Variants in CHD6 observed in about 807,000 individuals in gnomAD.
CHD6 encodes the protein chromodomain helicase DNA binding protein 6.
In CHD6, 50 loss-of-function variants were observed where a neutral mutation model predicts 276.9. The observed-to-expected ratio is 0.18, with a 90% CI of 0.14 to 0.23. The LOEUF is 0.23. Among genes scored for constraint, CHD6 ranks in the 10% least tolerant of loss-of-function variants. The pLI is 1.00. For synonymous variants in CHD6, 1,173 were observed against 1,229.3 expected, an observed-to-expected ratio of 0.95 and a Z score of 0.96; for missense variants, 2,564 against 3,365.8, an observed-to-expected ratio of 0.76 and a Z score of 5.89.
chr20:41,446,228 T>A (rs2048064573), intron 24 of CHD6, among the ~76,000 whole-genome samples: 1 of 152,130 alleles, frequency 6.6e-6, no homozygotes, highest in Non-Finnish European at 1.5e-5. Flanking sequence ...CAAGTAGAGA[T>A]CTTACGCACC....
intron 16 of CHD6, among the ~76,000 whole-genome samples, 177 bp downstream of exon 16, chr20:41,483,132 T>C (rs2043332585): frequency 6.6e-6 from 1 of 152,200 alleles, no homozygotes; most frequent in East Asian, 1.9e-4. Flanking sequence ...ACAGTTAAAC[T>C]TGGGTCCATT....
Position 41,427,634 on chromosome 20 carries a change from T to G in CHD6, c.4069-1481A>C, listed in dbSNP as rs2047407197. Among the ~76,000 whole-genome samples the G allele has an allele frequency of 3.3e-5, 5 of 152,186 alleles. No homozygotes were observed. The South Asian group carries it at 1.0e-3, about 32-fold the overall frequency. On this transcript the variant is annotated intron_variant, in intron 27 of 36. Transcript: ENST00000373233. The stretch of plus-strand genomic sequence containing the variant: ...GAGAGTCTTAGATGAAAATTTGTCT[T>G]GGAGAGTGAAAACATATTTATAACA...
At chr20:41,514,126 T>C (rs1337813228) in intron 4 of CHD6, among the ~76,000 whole-genome samples, 1 of 152,208 alleles carries the variant, frequency 6.6e-6, no homozygotes. Context: ...GGAAGAGCAG[T>C]GAGAAACCCA....
chr20:41,424,089 G>A lies in CHD6; in HGVS notation c.4347-389C>T, dbSNP rs191364329. Among the ~76,000 whole-genome samples the A allele has an allele frequency of 5.3e-5, 8 of 151,544 alleles. No homozygotes were observed. The East Asian group carries it at 1.2e-3, about 22-fold the overall frequency. ...TATCTAGCCTTATTTTTTTTTACCC[G>A]TATGGCAATATAGAAGCAGAGAATC... On this transcript the variant is annotated intron_variant, in intron 29 of 36. Transcript: ENST00000373233.
intron 1 of CHD6, among the ~76,000 whole-genome samples, chr20:41,561,853 C>A (rs1335456971): frequency 6.6e-6 from 1 of 152,188 alleles, no homozygotes; most frequent in African/African-American, 2.4e-5. Flanking sequence ...TATGTGACAT[C>A]TCTTCCTTTT....
In CHD6 at chr20:41,403,671, G is replaced by T. The variant is rs999376697; in HGVS notation, c.*922C>A. ...CTCCAGAAAGAACCTTATTCTTGGTGAAGGAAAGCCTGAAGTGAAAATCCA... is the reference window on the plus strand; with the variant it reads ...CTCCAGAAAGAACCTTATTCTTGGTTAAGGAAAGCCTGAAGTGAAAATCCA... On this transcript the variant is annotated 3_prime_UTR_variant, in exon 37 of 37. Transcript: ENST00000373233. The T allele has an allele frequency of 1.6e-5, 17 of 1,060,274 alleles. No homozygotes were observed. In the African/African-American group the frequency reaches 2.8e-4, roughly 17 times the overall value. 65.7% of individuals were successfully genotyped at this position (1,060,274 alleles called of 1,614,324 possible). A position where few individuals can be genotyped will look rare whatever the true frequency, so the allele number is the denominator to read the frequency against.
chr20:41,421,375 T>C lies in CHD6; in HGVS notation c.5260A>G (p.Ile1754Val), dbSNP rs1323340759. ...CCCATAAAAGTAGGGCCAGAAGCTA[T>C]TTCTGCCTCAGGGCCACCAGACTGG... ...NCQSGGPEAE[I>V]ASGPTFMGSL... Residue 1754 changes from isoleucine to valine, a missense_variant, in exon 31 of 37, where the codon ATA becomes GTA. Around this residue, in one of 7 missense-constraint regions of CHD6, gnomAD observed 1,024 missense variants for 1,047.9 expected, o/e 0.98. Coordinates refer to ENST00000373233, the MANE Select transcript of CHD6 (RefSeq NM_032221.5). The C allele has an allele frequency of 1.2e-6, 2 of 1,614,092 alleles. No homozygotes were observed. The highest frequency in any genetic ancestry group is 2.2e-5 in the South Asian group (2 of 91,012).
chr20:41,519,839 T>G (rs2044343320), intron 3 of CHD6, among the ~76,000 whole-genome samples: 1 of 152,096 alleles, frequency 6.6e-6, no homozygotes, highest in Non-Finnish European at 1.5e-5. Context: ...CTAATTAAAC[T>G]AAAGAGCTTC....
In CHD6 at chr20:41,537,482, A is replaced by G. The variant is rs150371747; in HGVS notation, c.34-3912T>C. 2.8e-3 allele frequency among the ~76,000 whole-genome samples: 428 copies of G among 152,344 alleles called. 1 individual carries two copies. Among genetic ancestry groups the G allele is most frequent in the Middle Eastern group, 0.02 (6 of 294 alleles). On this transcript the variant is annotated intron_variant, in intron 2 of 36. Coordinates refer to ENST00000373233, the MANE Select transcript of CHD6 (RefSeq NM_032221.5). ...ACCATTTTAAATAAGGGACTTGAGC[A>G]TCCTCAGATTTTGGTATTCATGTAA...
chr20:41,580,678 A>C (rs1280380114), intron 1 of CHD6, among the ~76,000 whole-genome samples: 1 of 151,726 alleles, frequency 6.6e-6, no homozygotes, highest in Non-Finnish European at 1.5e-5. Context: ...AGACAACAAA[A>C]AATACATCTA....
At chr20:41,595,895 T>C (rs538044457) in intron 1 of CHD6, among the ~76,000 whole-genome samples, 28 of 151,798 alleles carry the variant, frequency 1.8e-4, no homozygotes, top group African/African-American at 5.1e-4. Flanking sequence ...CAGGAGGAAA[T>C]AGACTATGCC....
At chr20:41,413,771 C>G in intron 34 of CHD6, 1 of 308,446 alleles carries the variant, frequency 3.2e-6, no homozygotes. Context: ...TAACTCCATC[C>G]TGACTGCCGG....
At chr20:41,501,413 C>T (rs1178944014) in intron 5 of CHD6, among the ~76,000 whole-genome samples, 1 of 152,182 alleles carries the variant, frequency 6.6e-6, no homozygotes, top group East Asian at 1.9e-4. Context: ...TGTGCCCTCA[C>T]TGTAAGTAAC....
At chr20:41,427,013 A>G (rs1240986073) in intron 27 of CHD6, among the ~76,000 whole-genome samples, 1 of 152,298 alleles carries the variant, frequency 6.6e-6, no homozygotes, top group African/African-American at 2.4e-5. Context: ...CAGGGTCAGA[A>G]AGAAGGGTCA....
At chr20:41,579,909 A>T (rs987700529) in intron 1 of CHD6, among the ~76,000 whole-genome samples, 5 of 152,360 alleles carry the variant, frequency 3.3e-5, no homozygotes, top group Admixed American at 2.0e-4. Flanking sequence ...GTACAATAAA[A>T]GAAAAAAATT....
chr20:41,410,980 A>C (rs565403401), intron 36 of CHD6, among the ~76,000 whole-genome samples: 1 of 152,312 alleles, frequency 6.6e-6, no homozygotes, highest in African/African-American at 2.4e-5. Flanking sequence ...AGGGGACACA[A>C]ACAAAGGTGA....
intron 18 of CHD6, among the ~76,000 whole-genome samples, chr20:41,456,584 T>C (rs2048383995): frequency 6.6e-6 from 1 of 152,162 alleles, no homozygotes; most frequent in African/African-American, 2.4e-5. Context: ...CTTGAAGTAT[T>C]ATACTTAGCA....
chr20:41,486,052 C>A (rs2043405911), intron 14 of CHD6: 1 of 152,020 alleles, frequency 6.6e-6, no homozygotes, highest in Non-Finnish European at 1.5e-5. Context: ...CAATCTTAAT[C>A]TTTTTATGAG....
chr20:41,584,156 G>T (rs777424460), intron 1 of CHD6, among the ~76,000 whole-genome samples: 3 of 151,982 alleles, frequency 2.0e-5, no homozygotes, highest in Non-Finnish European at 4.4e-5. Flanking sequence ...GATGGAAAAA[G>T]ATACCAAGCA....
Sources: allele counts gnomAD v4.1 joint callset (sites outside exome capture counted in the v4.1 genomes callset), GRCh38; gene constraint gnomAD v4.1.1; regional missense constraint gnomAD v4.1.1; transcripts MANE v1.5; gene names NCBI Gene and HGNC (gene_info 2026-07-23, HGNC 2026-07-21).